SYNE2: variants seen among roughly 807,000 people sequenced by gnomAD.
The protein encoded by SYNE2 is nesprin-2.
In SYNE2, 431 loss-of-function variants were observed where a neutral mutation model predicts 856.3. That is an observed-to-expected ratio of 0.50 (90% confidence interval 0.47 to 0.55). The LOEUF is 0.55. Ranked by LOEUF, SYNE2 falls within the 20% of genes least tolerant of loss-of-function variation. The probability of loss-of-function intolerance (pLI) is 0.00; values close to 1 mark genes in which losing one functional copy is unlikely to be tolerated. For missense variants in SYNE2, 8,129 were observed against 8,023.2 expected (o/e 1.01, Z -0.50); for synonymous variants, 2,923 against 2,872.3 (o/e 1.02, Z -0.56).
chr14:63,832,541 T>C (rs1889708506), intron 1 of SYNE2, among the ~76,000 whole-genome samples: 1 of 152,026 alleles, frequency 6.6e-6, no homozygotes, highest in African/African-American at 2.4e-5. Flanking sequence ...GAAAAATTAT[T>C]ATTTTAGGTT....
intron 1 of SYNE2, among the ~76,000 whole-genome samples, chr14:63,802,009 T>G (rs893549516): frequency 6.9e-6 from 1 of 145,406 alleles, no homozygotes; most frequent in Non-Finnish European, 1.5e-5. Flanking sequence ...TACTGAAAAT[T>G]TTTAATTCAT....
At chr14:64,176,153 G>A (rs1319964251) in intron 95 of SYNE2, among the ~76,000 whole-genome samples, 1 of 152,116 alleles carries the variant, frequency 6.6e-6, no homozygotes, top group East Asian at 1.9e-4. Flanking sequence ...TTTCATTGTA[G>A]GTTTGTATAG....
chr14:64,096,369 A>G (rs2097677108), intron 61 of SYNE2, among the ~76,000 whole-genome samples: 1 of 152,180 alleles, frequency 6.6e-6, no homozygotes, highest in Non-Finnish European at 1.5e-5. Flanking sequence ...AAATGTCAGT[A>G]TGGTGTAAAA....
At chr14:63,976,780 G>T in intron 12 of SYNE2, 53 bp downstream of exon 12, 1 of 1,568,242 alleles carries the variant, frequency 6.4e-7, no homozygotes, top group Non-Finnish European at 8.8e-7. Flanking sequence ...GTTAGGGATT[G>T]TTCTTGAGGA....
chr14:64,054,739 C>G (rs369620841), intron 48 of SYNE2, among the ~76,000 whole-genome samples: 1 of 152,142 alleles, frequency 6.6e-6, no homozygotes, highest in African/African-American at 2.4e-5. Context: ...GAGTGGATAT[C>G]TTAGGCATCA....
At chr14:63,762,682 C>T (rs974142867) in intron 1 of SYNE2, among the ~76,000 whole-genome samples, 9 of 151,300 alleles carry the variant, frequency 5.9e-5, no homozygotes, top group Admixed American at 4.6e-4. Context: ...ACAATCCACC[C>T]GCCTTAGCTC....
Position 63,998,884 on chromosome 14 carries a change from T to A in SYNE2, c.3354-30T>A, listed in dbSNP as rs373109340. 6 of 1,612,674 alleles carry A rather than the reference T, an allele frequency of 3.7e-6. No homozygotes were observed. In the African/African-American group the frequency reaches 8.0e-5, roughly 22 times the overall value. On this transcript the variant is annotated intron_variant, in intron 26 of 115. Coordinates refer to ENST00000555002, the MANE Select transcript of SYNE2 (RefSeq NM_182914.3). ...GGCCTGTGTTATTTTAAAAATTAAC[T>A]ATTGTGATGTTGCATTTCATTTTGC...
At position 64,129,799 on chromosome 14, in the gene SYNE2, A is replaced by G. The variant is rs1304051569; in HGVS notation, c.14037A>G (p.Thr4679=). The G allele has an allele frequency of 9.9e-6, 16 of 1,614,180 alleles. No homozygotes were observed. Among genetic ancestry groups the G allele is most frequent in the South Asian group, 2.2e-5 (2 of 91,088 alleles). The change falls in exon 75 of 116, where the codon ACA becomes ACG. Residue 4679 remains threonine (T), a synonymous_variant. Coordinates refer to ENST00000555002, the MANE Select transcript of SYNE2 (RefSeq NM_182914.3). ...TCACTTAGAAAGCAGATGCATATAC[A>G]GTGGAGCTGGAGAACGCCGAGAGCC... is the stretch of plus-strand genomic sequence containing the variant. The part of the protein sequence containing the change: ...AEQLQKADAY[T]VELENAESRV...
chr14:64,171,860 CT>C (rs149815635), intron 94 of SYNE2, among the ~76,000 whole-genome samples: 2 of 151,842 alleles, frequency 1.3e-5, no homozygotes, highest in African/African-American at 2.4e-5. Context: ...GCTTGTTTTT[CT>C]TTTTTTTGGG....
chr14:64,167,448 G>A, intron 91 of SYNE2, 47 bp from the exon 92 acceptor site: 1 of 1,614,168 alleles, frequency 6.2e-7, no homozygotes, highest in Non-Finnish European at 8.5e-7. Flanking sequence ...CTTCAGCTCG[G>A]GAATGGCATT....
At chr14:64,218,053 A>T (rs1221246575) in intron 108 of SYNE2, among the ~76,000 whole-genome samples, 1 of 152,238 alleles carries the variant, frequency 6.6e-6, no homozygotes, top group African/African-American at 2.4e-5. Context: ...GTGCTAACGC[A>T]GTAACCGTCT....
chr14:63,849,821 G>T (rs1264698519), upstream of SYNE2, among the ~76,000 whole-genome samples: 7 of 152,168 alleles, frequency 4.6e-5, no homozygotes, highest in Non-Finnish European at 8.8e-5. Context: ...CATGATTTTT[G>T]TTAGTGACTC....
intron 110 of SYNE2, 77 bp from the exon 111 acceptor site, chr14:64,220,360 T>A: frequency 1.3e-6 from 2 of 1,508,940 alleles, no homozygotes; most frequent in Non-Finnish European, 1.8e-6. Context: ...GGAAAATTTG[T>A]TCCCTACTGA....
At chr14:64,166,712 G>A (rs1233784838) in intron 90 of SYNE2, 2 of 189,040 alleles carry the variant, frequency 1.1e-5, no homozygotes, top group East Asian at 1.5e-4. Context: ...TTGGGAGGCC[G>A]AGGCAGGTGG....
At chr14:63,985,838 A>G (rs1226358095) in intron 18 of SYNE2, among the ~76,000 whole-genome samples, 1 of 152,092 alleles carries the variant, frequency 6.6e-6, no homozygotes, top group Non-Finnish European at 1.5e-5. Context: ...GTGAGACCCC[A>G]TCTCTACAAA....
intron 45 of SYNE2, among the ~76,000 whole-genome samples, chr14:64,042,974 A>G (rs1567137261): frequency 6.6e-6 from 1 of 152,184 alleles, no homozygotes; most frequent in Admixed American, 6.5e-5. Flanking sequence ...AACTTCCTAG[A>G]GACTTGTTGA....
chr14:63,816,272 G>A (rs1888990485), intron 1 of SYNE2, among the ~76,000 whole-genome samples: 1 of 151,968 alleles, frequency 6.6e-6, no homozygotes, highest in Admixed American at 6.6e-5. Flanking sequence ...ACCATATAGA[G>A]GCCTAATTTT....
At chr14:64,063,840 A>G (rs1317772119) in intron 50 of SYNE2, among the ~76,000 whole-genome samples, 10 of 152,212 alleles carry the variant, frequency 6.6e-5, no homozygotes, top group Admixed American at 6.5e-4. Flanking sequence ...CCCTTTATCC[A>G]CAGGGGATAT....
intron 11 of SYNE2, among the ~76,000 whole-genome samples, chr14:63,973,468 C>CT (rs1395248420): frequency 1.3e-5 from 2 of 151,404 alleles, no homozygotes; most frequent in Admixed American, 1.3e-4. Flanking sequence ...CTCGTCTCTA[C>CT]TAAAAACACA....
Sources: gnomAD v4.1 joint callset for allele counts (sites outside exome capture counted in the v4.1 genomes callset) on GRCh38, gnomAD v4.1.1 for gene constraint, MANE v1.5 for transcripts, NCBI Gene and HGNC (gene_info 2026-07-23, HGNC 2026-07-21) for gene names.